Variants in CYP20A1 observed in about 807,000 individuals in gnomAD.
The protein encoded by CYP20A1 is cytochrome P450 family 20 subfamily A member 1.
CYP20A1 carries 61 observed loss-of-function variants against 61.4 expected under a neutral mutation model. The ratio of observed to expected loss-of-function variants is 0.99; its 90% confidence interval spans 0.81 to 1.23. The LOEUF is 1.23. CYP20A1 is among the 50% of genes most tolerant of loss of function. The pLI is 0.00. For synonymous variants in CYP20A1, 193 were observed against 188.2 expected (o/e 1.03, Z -0.21); for missense variants, 530 against 542.4 (o/e 0.98, Z 0.23).
chr2:203,271,755 G>T (rs1036508593), intron 5 of CYP20A1, among the ~76,000 whole-genome samples: 2 of 152,114 alleles, frequency 1.3e-5, no homozygotes, highest in African/African-American at 4.8e-5. Context: ...AAAAATGAGG[G>T]CTGGGCGCAG....
intron 5 of CYP20A1, among the ~76,000 whole-genome samples, chr2:203,268,728 T>C (rs2152077834): frequency 6.6e-6 from 1 of 152,278 alleles, no homozygotes; most frequent in Non-Finnish European, 1.5e-5. Context: ...ATAGATTGTG[T>C]AGTGGTGAAG....
At position 203,305,073 on chromosome 2, in the gene CYP20A1, G is replaced by T. The variant is rs1168831788; in HGVS notation, c.*8165G>T. On this transcript the variant is annotated 3_prime_UTR_variant, in exon 13 of 13. Transcript: ENST00000356079. ...CTTATAGAATTTTATGACACTAAAT[G>T]GATAATTGTAAAGTTTGAGTTGGGA... Among the ~76,000 whole-genome samples the T allele has an allele frequency of 2.6e-5, 4 of 151,958 alleles. No homozygotes were observed. Among genetic ancestry groups the T allele is most frequent in the African/African-American group, 9.7e-5 (4 of 41,380 alleles).
Position 203,301,955 on chromosome 2 carries a change from G to A in CYP20A1, c.*5047G>A, listed in dbSNP as rs1381169449. On this transcript the variant is annotated 3_prime_UTR_variant, in exon 13 of 13. Transcript: ENST00000356079. ...TTTTTTTGTTTTGAGACTGAGTCCCGCTGTCTATTGCCCAGGCTGGAGTGC... is the reference window on the plus strand; with the variant it reads ...TTTTTTTGTTTTGAGACTGAGTCCCACTGTCTATTGCCCAGGCTGGAGTGC... Among the ~76,000 whole-genome samples, 7 of 114,248 alleles carry A rather than the reference G, an allele frequency of 6.1e-5. No individual in the cohort carries two copies. In the East Asian group the frequency reaches 8.0e-4, roughly 13 times the overall value. The allele number at this position is 114,248 out of a possible 152,430, so 75.0% of individuals were successfully genotyped here. A position where few individuals can be genotyped will look rare whatever the true frequency, so the allele number is the denominator to read the frequency against.
At chr2:203,252,182 G>T in intron 4 of CYP20A1, 73 bp downstream of exon 4, 2 of 1,155,624 alleles carry the variant, frequency 1.7e-6, no homozygotes, top group East Asian at 5.9e-5. Flanking sequence ...GTATTGGTGT[G>T]TACTATCTTT....
intron 5 of CYP20A1, among the ~76,000 whole-genome samples, chr2:203,270,794 C>T (rs2067531721): frequency 6.9e-6 from 1 of 145,830 alleles, no homozygotes; most frequent in Non-Finnish European, 1.5e-5. Flanking sequence ...GCCTTCACCT[C>T]CCAGACTCAA....
At chr2:203,245,304 G>T (rs1270275883) in intron 1 of CYP20A1, among the ~76,000 whole-genome samples, 5 of 151,874 alleles carry the variant, frequency 3.3e-5, no homozygotes, top group African/African-American at 1.2e-4. Context: ...GGGATTACAG[G>T]CCTGAGCCAC....
chr2:203,241,146 G>A (rs2066240170), intron 1 of CYP20A1, among the ~76,000 whole-genome samples: 2 of 152,210 alleles, frequency 1.3e-5, no homozygotes. Context: ...GTTATTTTTA[G>A]CCTGGTATCT....
At position 203,239,122 on chromosome 2, in the gene CYP20A1, C is replaced by T; in HGVS notation, c.60C>T (p.Leu20=). 3.7e-6 allele frequency: 6 copies of T among 1,613,346 alleles called. No homozygotes were observed. The highest frequency in any genetic ancestry group is 5.1e-6 in the Non-Finnish European group (6 of 1,179,748). The part of the protein sequence containing the change: ...TFLLALVGAV[L]YLYPASRQAA... ...TGCTGGCGTTGGTGGGAGCCGTGCT[C>T]TACCTCTATCCGGTGAGCGCCGTCT... Residue 20 remains leucine (L), a synonymous_variant, in exon 1 of 13, where the codon CTC becomes CTT. Coordinates refer to ENST00000356079, the MANE Select transcript of CYP20A1 (RefSeq NM_177538.3).
intron 5 of CYP20A1, among the ~76,000 whole-genome samples, chr2:203,269,785 C>A (rs565862189): frequency 6.6e-6 from 1 of 151,956 alleles, no homozygotes; most frequent in Non-Finnish European, 1.5e-5. Context: ...CTTGTCACCA[C>A]GCCCAGGTAA....
chr2:203,250,921 G>A (rs1273186948), intron 3 of CYP20A1, among the ~76,000 whole-genome samples: 4 of 151,690 alleles, frequency 2.6e-5, no homozygotes, highest in Admixed American at 2.0e-4. Flanking sequence ...AAAATTAGCC[G>A]GGCATGCTGG....
intron 8 of CYP20A1, 76 bp downstream of exon 8, chr2:203,280,189 C>G: frequency 1.7e-6 from 2 of 1,182,230 alleles, no homozygotes; most frequent in Non-Finnish European, 2.4e-6. Flanking sequence ...CACCTGTAAT[C>G]CCAACACTTG....
Position 203,292,489 on chromosome 2 carries a change from C to T in CYP20A1, c.1148+163C>T, listed in dbSNP as rs141168471. ...TTCTCTTTCTTTTGAGACAGGGTCT[C>T]ACTCTGTCATCCAGGCTGGAATGTA... On this transcript the variant is annotated intron_variant, in intron 11 of 12. Transcript: ENST00000356079. Among the ~76,000 whole-genome samples the T allele has an allele frequency of 5.7e-3, 866 of 152,310 alleles. 12 individuals are homozygous for T. Among genetic ancestry groups the T allele is most frequent in the Non-Finnish European group, 4.9e-3 (334 of 68,032 alleles).
At position 203,296,878 on chromosome 2, in the gene CYP20A1, A is replaced by T; in HGVS notation, c.1359A>T (p.Glu453Asp). ...KYELVTSSRE[E>D]AWITVSKRY ...AACTGGTAACATCATCAAGGGAAGAAGCTTGGATCACTGTCTCAAAGAGAT... is the reference window on the plus strand; with the variant it reads ...AACTGGTAACATCATCAAGGGAAGATGCTTGGATCACTGTCTCAAAGAGAT... Residue 453 changes from glutamate to aspartate, a missense_variant, in exon 13 of 13, where the codon GAA (glutamate) becomes GAT (aspartate). Transcript: ENST00000356079. The T allele has an allele frequency of 6.3e-7, 1 of 1,599,818 alleles. No individual in the cohort carries two copies. The highest frequency in any genetic ancestry group is 8.5e-7 in the Non-Finnish European group (1 of 1,174,768).
chr2:203,254,726 C>T (rs886951499), intron 4 of CYP20A1, among the ~76,000 whole-genome samples: 1 of 152,084 alleles, frequency 6.6e-6, no homozygotes, highest in Non-Finnish European at 1.5e-5. Context: ...TAGTGGCTCA[C>T]ACCTGTAATC....
Position 203,246,772 on chromosome 2 carries a change from A to C in CYP20A1, c.140A>C (p.Asp47Ala). ...PTEEKDGNLP[D>A]IVNSGSLHEF... ...TTTGCCAGAGATGGTAATCTTCCAG[A>C]TATTGTGAATAGTGGAAGTTTGCAT... The change falls in exon 3 of 13, where the codon GAT becomes GCT. Residue 47 changes from aspartate to alanine, a missense_variant. Asp to Ala is a moderately radical substitution (Grantham distance 126). Coordinates refer to ENST00000356079, the MANE Select transcript of CYP20A1 (RefSeq NM_177538.3). 6.2e-7 allele frequency: 1 copy of C among 1,613,542 alleles called. No individual in the cohort carries two copies. Among genetic ancestry groups the C allele is most frequent in the Non-Finnish European group, 8.5e-7 (1 of 1,179,876 alleles).
At chr2:203,239,925 G>A (rs1375058078) in intron 1 of CYP20A1, among the ~76,000 whole-genome samples, 1 of 152,136 alleles carries the variant, frequency 6.6e-6, no homozygotes, top group East Asian at 1.9e-4. Context: ...GTGACACACC[G>A]TCTCTACTAA....
intron 4 of CYP20A1, among the ~76,000 whole-genome samples, chr2:203,253,802 CT>C (rs1274643428): frequency 3.2e-4 from 46 of 145,858 alleles, no homozygotes; most frequent in Admixed American, 3.4e-4. Flanking sequence ...TTTTCTTTTT[CT>C]TTTTTTTTTT....
At chr2:203,283,275 G>A (rs1298234424) in intron 8 of CYP20A1, among the ~76,000 whole-genome samples, 5 of 136,676 alleles carry the variant, frequency 3.7e-5, no homozygotes, top group Non-Finnish European at 6.1e-5. Flanking sequence ...GGAGTGCAGT[G>A]GTGCAATCTC....
rs764861595 is a variant in CYP20A1 at position 203,304,166 on chromosome 2, C to T, written c.*7258C>T. ...GGTGGAGGTTGCAGTGTGCCGAGAT[C>T]GCACCACTGTACTCCAGCCTAGGTG... On this transcript the variant is annotated 3_prime_UTR_variant, in exon 13 of 13. Coordinates refer to ENST00000356079, the MANE Select transcript of CYP20A1 (RefSeq NM_177538.3). 1.3e-5 allele frequency among the ~76,000 whole-genome samples: 2 copies of T among 152,068 alleles called. No homozygotes were observed. Among genetic ancestry groups the T allele is most frequent in the Non-Finnish European group, 2.9e-5 (2 of 68,020 alleles).
Sources: gnomAD v4.1 joint callset for allele counts (sites outside exome capture counted in the v4.1 genomes callset) on GRCh38, gnomAD v4.1.1 for gene constraint, MANE v1.5 for transcripts, NCBI Gene and HGNC (gene_info 2026-07-23, HGNC 2026-07-21) for gene names.